Variants in CP observed in about 807,000 individuals in gnomAD.
CP encodes the protein ceruloplasmin.
Under a neutral mutation model 122.4 loss-of-function variants are expected in CP, and 64 were observed. The observed-to-expected ratio is 0.52, with a 90% CI of 0.43 to 0.64. The LOEUF (loss-of-function observed/expected upper bound fraction) is 0.64, where lower values mean the gene tolerates loss of function less well. Among genes scored for constraint, CP ranks in the 30% least tolerant of loss-of-function variants. The pLI is 0.00. For missense variants in CP, 1,167 were observed against 1,284.4 expected (o/e 0.91, Z 1.40); for synonymous variants, 440 against 436.4 (o/e 1.01, Z -0.10).
intron 18 of CP, among the ~76,000 whole-genome samples, chr3:149,174,247 G>T (rs1200024256): frequency 6.6e-6 from 1 of 152,180 alleles, no homozygotes; most frequent in African/African-American, 2.4e-5. Flanking sequence ...CATGATCCGG[G>T]ATTTTCTTTT....
chr3:149,218,407 C>T (rs977685368), intron 1 of CP, among the ~76,000 whole-genome samples: 3 of 152,140 alleles, frequency 2.0e-5, no homozygotes, highest in African/African-American at 7.2e-5. Context: ...AAGTAAATAG[C>T]AGTACTGAGT....
chr3:149,170,913 T>C (rs1034550176), downstream of CP, among the ~76,000 whole-genome samples: 3 of 152,184 alleles, frequency 2.0e-5, no homozygotes, highest in Admixed American at 1.3e-4. Context: ...GAGGGCAGCA[T>C]GTATCTGTTA....
chr3:149,172,117 G>C (rs758223311), downstream of CP: 1 of 1,612,998 alleles, frequency 6.2e-7, no homozygotes, highest in South Asian at 1.1e-5. Flanking sequence ...TTGTTGCTGT[G>C]GAACTAGAAC....
chr3:149,208,450 A>G (rs1727894548), intron 4 of CP, among the ~76,000 whole-genome samples: 1 of 152,192 alleles, frequency 6.6e-6, no homozygotes, highest in Non-Finnish European at 1.5e-5. Flanking sequence ...AGATATAAGT[A>G]AAAGTTGGAA....
At chr3:149,205,539 T>C (rs940308271) in intron 6 of CP, among the ~76,000 whole-genome samples, 18 of 151,988 alleles carry the variant, frequency 1.2e-4, no homozygotes, top group Admixed American at 6.6e-4. Flanking sequence ...GGTATATACA[T>C]ACAATGAAGC....
chr3:149,221,554 A>G (rs1728807348), intron 1 of CP, 93 bp downstream of exon 1: 1 of 1,240,298 alleles, frequency 8.1e-7, no homozygotes, highest in Non-Finnish European at 1.1e-6. Context: ...GTTTCTGTAT[A>G]TAAGAAATTT....
At chr3:149,162,596 G>A (rs777852886) in exon 6 of CP, 45 of 1,300,054 alleles carry the variant, frequency 3.5e-5, no homozygotes, top group East Asian at 6.9e-5. Flanking sequence ...TATTGATTGC[G>A]TGGCCCATGT....
intron 7 of CP, 139 bp downstream of exon 7, chr3:149,201,963 G>T: frequency 9.0e-7 from 1 of 1,106,738 alleles, no homozygotes; most frequent in Non-Finnish European, 1.3e-6. Flanking sequence ...CTTAGCTGCT[G>T]CATTTTATTG....
At chr3:149,211,568 C>T (rs557828251) in intron 2 of CP, among the ~76,000 whole-genome samples, 2 of 152,296 alleles carry the variant, frequency 1.3e-5, no homozygotes, top group Admixed American at 6.5e-5. Context: ...TCAAGGCTTC[C>T]AAGTCCTACA....
chr3:149,164,851 C>T (rs991954350), intron 5 of CP, among the ~76,000 whole-genome samples: 3 of 152,140 alleles, frequency 2.0e-5, no homozygotes, highest in South Asian at 4.2e-4. Context: ...CCTAGCTGCC[C>T]TCATGCATCT....
In CP at chr3:149,206,201, A is replaced by T. The variant is rs1481132976; in HGVS notation, c.1175T>A (p.Ile392Asn). ...TGCTGTTAAGTTTTCTTTAGTGAAG[A>T]TGTCTATACCAGAGGGAGCATAGTT... ...IWNYAPSGID[I>N]FTKENLTAPG... Residue 392 changes from isoleucine to asparagine, a missense_variant, in exon 6 of 19, where the codon ATC becomes AAC. This residue lies in a region of CP where 642 missense variants were observed against 627.3 expected (regional missense o/e 1.02). Coordinates refer to ENST00000264613, the MANE Select transcript of CP (RefSeq NM_000096.4). 11 of 1,613,822 alleles carry T rather than the reference A, an allele frequency of 6.8e-6. No individual in the cohort carries two copies. Among genetic ancestry groups the T allele is most frequent in the Non-Finnish European group, 9.3e-6 (11 of 1,179,854 alleles).
downstream of CP, among the ~76,000 whole-genome samples, chr3:149,170,803 A>G (rs890478149): frequency 3.9e-5 from 6 of 152,210 alleles, no homozygotes; most frequent in African/African-American, 1.4e-4. Context: ...GCATGCAACG[A>G]TCACACAGGG....
intron 1 of CP, chr3:149,218,093 T>C (rs1300877887): frequency 1.2e-5 from 2 of 171,450 alleles, no homozygotes; most frequent in African/African-American, 2.4e-5. Flanking sequence ...AGTTTTGTGA[T>C]GGCCGTTCGT....
Position 149,207,350 on chromosome 3 carries a change from A to T in CP, c.1036+13T>A. ...TTTCAGCTGACTGCTAATTTCAGGT[A>T]AAGATGTCCTACCTTTCAGATGGTT... On this transcript the variant is annotated intron_variant, in intron 5 of 18. Coordinates refer to ENST00000264613, the MANE Select transcript of CP (RefSeq NM_000096.4). 6.2e-7 allele frequency: 1 copy of T among 1,613,848 alleles called. No homozygotes were observed.
chr3:149,167,077 C>T (rs145093021), intron 4 of CP: 81 of 1,613,588 alleles, frequency 5.0e-5, no homozygotes, highest in Non-Finnish European at 6.4e-5. Flanking sequence ...TCCATTATTC[C>T]GTTCTTGGAG....
chr3:149,199,940 A>C (rs1325616686), intron 7 of CP, 76 bp from the exon 8 acceptor site: 21 of 1,483,358 alleles, frequency 1.4e-5, no homozygotes, highest in Non-Finnish European at 1.5e-5. Flanking sequence ...ATCTTCTTTG[A>C]CTGTGTTCTC....
intron 1 of CP, among the ~76,000 whole-genome samples, chr3:149,219,140 T>C (rs1728652848): frequency 6.6e-6 from 1 of 152,122 alleles, no homozygotes; most frequent in African/African-American, 2.4e-5. Flanking sequence ...GTAAGATATA[T>C]GGGGGAAAAA....
At position 149,178,411 on chromosome 3, in the gene CP, A is replaced by G. The variant is rs1230729709; in HGVS notation, c.2878+4T>C. ...AAAAATTGTTTTAGAATAATGTGAC[A>G]TACCATGCATTTTATTGCTTTCTAT... On this transcript the variant is annotated splice_donor_region_variant and intron_variant, in intron 16 of 18. Transcript: ENST00000264613. The G allele has an allele frequency of 3.2e-6, 5 of 1,562,794 alleles. No individual in the cohort carries two copies. The highest frequency in any genetic ancestry group is 3.3e-5 in the Admixed American group (2 of 59,788).
rs970080229 is a variant in CP at position 149,195,920 on chromosome 3, G to A, written c.1713+2447C>T. Among the ~76,000 whole-genome samples, 5 of 151,248 alleles carry A rather than the reference G, an allele frequency of 3.3e-5. No individual in the cohort carries two copies. In the South Asian group the frequency reaches 6.3e-4, roughly 19 times the overall value. On this transcript the variant is annotated intron_variant, in intron 9 of 18. Transcript: ENST00000264613. The stretch of plus-strand genomic sequence containing the variant: ...GCCAAAAAAAAAGGTAACTATGTGA[G>A]GTATGAGTATTTTACATAAAATAAT...
Sources: allele counts gnomAD v4.1 joint callset (sites outside exome capture counted in the v4.1 genomes callset), GRCh38; gene constraint gnomAD v4.1.1; regional missense constraint gnomAD v4.1.1; transcripts MANE v1.5; gene names NCBI Gene and HGNC (gene_info 2026-07-23, HGNC 2026-07-21).